BAHCC1: variants seen among roughly 807,000 people sequenced by gnomAD.
The protein encoded by BAHCC1 is BAH and coiled-coil domain-containing protein 1.
In BAHCC1, 43 loss-of-function variants were observed where a neutral mutation model predicts 88.2. That is an observed-to-expected ratio of 0.49 (90% CI 0.38 to 0.63). The LOEUF is 0.63. BAHCC1 is among the 20% of genes least tolerant of loss of function. The pLI, the probability that BAHCC1 is intolerant of heterozygous loss-of-function variation, is 0.00. For synonymous variants in BAHCC1, 1,510 were observed against 745.5 expected, an observed-to-expected ratio of 2.03 and a Z score of -16.71; for missense variants, 3,023 against 1,654.8, an observed-to-expected ratio of 1.83 and a Z score of -14.34.
chr17:81,405,489 A>C (rs1210179260), intron 2 of BAHCC1, among the ~76,000 whole-genome samples: 2 of 151,966 alleles, frequency 1.3e-5, no homozygotes, highest in African/African-American at 4.8e-5. Flanking sequence ...GCTGTTTCTT[A>C]ACTCAATCTG....
chr17:81,416,460 G>GGTGTGT (rs151241907), intron 2 of BAHCC1, among the ~76,000 whole-genome samples: 3,042 of 122,236 alleles, frequency 0.025, 67 homozygotes, highest in Admixed American at 0.072. Context: ...GTCCATTGAG[G>GGTGTGT]GTGTGTGTGT....
At chr17:81,427,295 C>T (rs1003995120) in intron 3 of BAHCC1, among the ~76,000 whole-genome samples, 29 of 152,266 alleles carry the variant, frequency 1.9e-4, no homozygotes, top group South Asian at 4.1e-4. Context: ...CTGGGCCGGC[C>T]GGGCTGGGCT....
rs2291019 is a variant in BAHCC1, at chr17:81,465,325, C to A, written c.*1508C>A. The A allele has an allele frequency of 2.6e-5, 4 of 152,124 alleles. No homozygotes were observed. Among genetic ancestry groups the A allele is most frequent in the Non-Finnish European group, 2.9e-5 (2 of 68,038 alleles). The allele number at this position is 152,124 out of a possible 1,614,324, so 9.4% of individuals were successfully genotyped here. On this transcript the variant is annotated 3_prime_UTR_variant, in exon 28 of 28. Coordinates refer to ENST00000675386, the MANE Select transcript of BAHCC1 (RefSeq NM_001377448.1). ...AGTGCTTGGGGCATAGAATGAGGGTCCCCCTGACCACCTGAGCCCAAATCC... is the reference window on the plus strand; with the variant it reads ...AGTGCTTGGGGCATAGAATGAGGGTACCCCTGACCACCTGAGCCCAAATCC...
intron 26 of BAHCC1, 69 bp from the exon 27 acceptor site, chr17:81,462,671 C>T (rs2030407539): frequency 4.3e-6 from 3 of 701,840 alleles, no homozygotes; most frequent in Non-Finnish European, 5.2e-6. Flanking sequence ...ACCCTCCATG[C>T]CTCCTGGCCG....
chr17:81,401,094 A>G (rs1293671790), intron 2 of BAHCC1: 2 of 152,274 alleles, frequency 1.3e-5, no homozygotes, highest in African/African-American at 4.8e-5. Context: ...CTTTAATGGG[A>G]TTACAATTAG....
At chr17:81,424,521 G>A (rs2064151126) in intron 2 of BAHCC1, among the ~76,000 whole-genome samples, 1 of 152,168 alleles carries the variant, frequency 6.6e-6, no homozygotes, top group Non-Finnish European at 1.5e-5. Flanking sequence ...GGTGGTGGTG[G>A]CGAGTGATGT....
intron 2 of BAHCC1, among the ~76,000 whole-genome samples, chr17:81,418,794 T>TGCGTGTGTGTGTGTGTGC (rs1568003282): frequency 5.4e-5 from 1 of 18,630 alleles, no homozygotes. Context: ...TGTACGTGTG[T>TGCGTGTGTGTGTGTGTGC]GCGTGTGTGT....
chr17:81,426,793 T>G lies in BAHCC1; in HGVS notation c.179-7T>G. On this transcript the variant is annotated splice_region_variant and splice_polypyrimidine_tract_variant and intron_variant, in intron 2 of 27. Transcript: ENST00000675386. ...CCCCCAGAGTCACTCTTGCCCTGTGTCCACAGCCAGCAGCCGCCTGATGGG... is the reference window on the plus strand; with the variant it reads ...CCCCCAGAGTCACTCTTGCCCTGTGGCCACAGCCAGCAGCCGCCTGATGGG... 1 of 398,574 alleles carries G rather than the reference T, an allele frequency of 2.5e-6. No homozygotes were observed. Among genetic ancestry groups the G allele is most frequent in the East Asian group, 3.6e-5 (1 of 28,090 alleles). The allele number at this position is 398,574 out of a possible 1,614,324, so 24.7% of individuals were successfully genotyped here. A position where few individuals can be genotyped will look rare whatever the true frequency, so the allele number is the denominator to read the frequency against.
At position 81,421,554 on chromosome 17, in the gene BAHCC1, C is replaced by T. The variant is rs1417865538; in HGVS notation, c.179-5246C>T. ...TCGCAGGGGTCACCACAGTAGTGAC[C>T]ACCTGGCAGGGCCTGCAGAATCTGC... is the stretch of plus-strand genomic sequence containing the variant. On this transcript the variant is annotated intron_variant, in intron 2 of 27. Transcript: ENST00000675386. Among the ~76,000 whole-genome samples the T allele has an allele frequency of 2.0e-5, 3 of 152,300 alleles. No homozygotes were observed. The East Asian group carries it at 5.8e-4, about 30-fold the overall frequency.
chr17:81,408,806 C>G (rs1226222240), intron 2 of BAHCC1, among the ~76,000 whole-genome samples: 4 of 152,206 alleles, frequency 2.6e-5, no homozygotes, highest in Admixed American at 1.3e-4. Flanking sequence ...GTGCCTTTCC[C>G]CTGATATCAG....
At chr17:81,413,108 C>G (rs2063975752) in intron 2 of BAHCC1, 2 of 446,084 alleles carry the variant, frequency 4.5e-6, no homozygotes, top group African/African-American at 4.0e-5. Flanking sequence ...CCAGGGTTAT[C>G]AGGGCCTTCT....
intron 23 of BAHCC1, 27 bp from the exon 24 acceptor site, chr17:81,460,250 C>G (rs1555658713): frequency 1.3e-6 from 1 of 742,058 alleles, no homozygotes; most frequent in Admixed American, 1.9e-5. Flanking sequence ...GGGGTTCCAG[C>G]TGCAAGCTCA....
At chr17:81,440,992 T>G (rs1451095747) in intron 4 of BAHCC1, among the ~76,000 whole-genome samples, 7 of 152,218 alleles carry the variant, frequency 4.6e-5, no homozygotes, top group African/African-American at 1.7e-4. Context: ...CACCTGTCCC[T>G]GGTTTCCAAG....
In BAHCC1 at chr17:81,458,317, C is replaced by T. The variant is rs1555657984; in HGVS notation, c.5194C>T (p.Leu1732=). The T allele has an allele frequency of 2.7e-6, 2 of 748,430 alleles. No homozygotes were observed. Among genetic ancestry groups the T allele is most frequent in the Non-Finnish European group, 5.0e-6 (2 of 403,620 alleles). The allele number at this position is 748,430 out of a possible 1,614,324, so 46.4% of individuals were successfully genotyped here. A position where few individuals can be genotyped will look rare whatever the true frequency, so the allele number is the denominator to read the frequency against. ...AGCCAAGGGCAAGGCCAAGGGCAGC[C>T]TGCGGGCAGAGCCGGGGGCCACCCC... is the stretch of plus-strand genomic sequence containing the variant. ...KKAKGKAKGS[L]RAEPGATPSR... The change falls in exon 18 of 28, where the codon CTG becomes TTG. Residue 1732 remains leucine (L), a synonymous_variant. Coordinates refer to ENST00000675386, the MANE Select transcript of BAHCC1 (RefSeq NM_001377448.1).
At chr17:81,451,929 G>A in intron 12 of BAHCC1, 42 bp from the exon 13 acceptor site, 1 of 635,762 alleles carries the variant, frequency 1.6e-6, no homozygotes, top group South Asian at 1.8e-5. Context: ...CCCCAGCCTG[G>A]GCCCTGGCCC....
chr17:81,434,366 G>A lies in BAHCC1; in HGVS notation c.359-4004G>A, dbSNP rs797038490. Among the ~76,000 whole-genome samples the A allele has an allele frequency of 1.6e-4, 25 of 152,320 alleles. No homozygotes were observed. The highest frequency in any genetic ancestry group is 5.3e-4 in the African/African-American group (22 of 41,586). ...GTGGGAGACAGGTCGAGGCTCAGCC[G>A]TGGGAGGCCAGCGTGGCAGACCTTC... On this transcript the variant is annotated intron_variant, in intron 3 of 27. Transcript: ENST00000675386. The surrounding 1 kb of genome is among the most constrained non-coding windows in gnomAD (Gnocchi z 4.9).
At chr17:81,408,922 TG>T (rs1463052321) in intron 2 of BAHCC1, among the ~76,000 whole-genome samples, 4 of 152,220 alleles carry the variant, frequency 2.6e-5, no homozygotes, top group Non-Finnish European at 5.9e-5. Context: ...CTCCGTCTCC[TG>T]CCCCAGTGCA....
In BAHCC1 at chr17:81,461,912, A is replaced by G; in HGVS notation, c.7249A>G (p.Lys2417Glu). The change falls in exon 26 of 28, where the codon AAA becomes GAA. Residue 2417 changes from lysine to glutamate, a missense_variant. By Grantham distance (56) the Lys-to-Glu change is moderately conservative. Coordinates refer to ENST00000675386, the MANE Select transcript of BAHCC1 (RefSeq NM_001377448.1). ...CAGCAGCAAATCCAAGCTCAAGCGC[A>G]AAGAGGCCCTGAGCTTCTCCAAAGC... The part of the protein sequence containing the change: ...SSSSKSKLKR[K>E]EALSFSKAKE... 1 of 747,734 alleles carries G rather than the reference A, an allele frequency of 1.3e-6. No individual in the cohort carries two copies. Among genetic ancestry groups the G allele is most frequent in the South Asian group, 1.4e-5 (1 of 70,094 alleles). The allele number at this position is 747,734 out of a possible 1,614,324, so 46.3% of individuals were successfully genotyped here.
At chr17:81,415,349 A>G (rs1460516576) in intron 2 of BAHCC1, 2 of 323,170 alleles carry the variant, frequency 6.2e-6, no homozygotes, top group African/African-American at 4.5e-5. Context: ...TTCGTTGTGA[A>G]GGAGGGCAGG....
Sources: allele counts gnomAD v4.1 joint callset (sites outside exome capture counted in the v4.1 genomes callset), GRCh38; gene constraint gnomAD v4.1.1; non-coding constraint Gnocchi (gnomAD v3.1); transcripts MANE v1.5; gene names NCBI Gene and HGNC (gene_info 2026-07-23, HGNC 2026-07-21).